The following SLIT3 variants were observed in gnomAD, a reference collection of about 807,000 sequenced individuals.
SLIT3 encodes slit homolog 3 protein.
In SLIT3, 68 loss-of-function variants were observed where a neutral mutation model predicts 184.0. The ratio of observed to expected loss-of-function variants is 0.37; its 90% CI spans 0.30 to 0.45. SLIT3 has a LOEUF of 0.45. Among genes scored for constraint, SLIT3 ranks in the 20% least tolerant of loss-of-function variants. The probability of loss-of-function intolerance (pLI) is 1.00; values close to 1 mark genes in which losing one functional copy is unlikely to be tolerated. For synonymous variants in SLIT3, 831 were observed against 828.6 expected (o/e 1.00, Z -0.05); for missense variants, 1,707 against 2,026.0 (o/e 0.84, Z 3.02).
At chr5:168,672,648 A>G (rs1291230886) in intron 33 of SLIT3, among the ~76,000 whole-genome samples, 1 of 151,980 alleles carries the variant, frequency 6.6e-6, no homozygotes, top group Non-Finnish European at 1.5e-5. Flanking sequence ...GCTAATTTAA[A>G]TATTTTGTAG....
chr5:168,767,171 C>T (rs6860854), intron 14 of SLIT3, among the ~76,000 whole-genome samples: 90,440 of 151,954 alleles, frequency 0.6, 27,219 homozygotes, highest in East Asian at 0.7. Context: ...TGTTAAAAAA[C>T]TACTAAGCAA....
chr5:169,226,847 T>C (rs1172435187), intron 3 of SLIT3, among the ~76,000 whole-genome samples: 1 of 152,136 alleles, frequency 6.6e-6, no homozygotes, highest in African/African-American at 2.4e-5. Flanking sequence ...CTAGATTCAC[T>C]TCTACGTTTT....
intron 4 of SLIT3, among the ~76,000 whole-genome samples, chr5:169,186,920 G>C (rs1763363147): frequency 6.6e-6 from 1 of 152,054 alleles, no homozygotes; most frequent in African/African-American, 2.4e-5. Context: ...TGGCCACATT[G>C]CATATAGTTG....
At chr5:168,760,197 T>C (rs1196921709) in intron 16 of SLIT3, among the ~76,000 whole-genome samples, 4 of 152,192 alleles carry the variant, frequency 2.6e-5, no homozygotes, top group Non-Finnish European at 4.4e-5. Context: ...GCAGGGAGCA[T>C]GGTCCTTAGC....
chr5:168,943,219 C>G (rs141204593), intron 4 of SLIT3, among the ~76,000 whole-genome samples: 1,776 of 152,170 alleles, frequency 0.012, 32 homozygotes, highest in African/African-American at 0.041. Context: ...AGTGAATACA[C>G]CAGAAGAAGG....
intron 4 of SLIT3, among the ~76,000 whole-genome samples, chr5:169,047,185 T>C (rs977512278): frequency 5.3e-5 from 8 of 152,238 alleles, no homozygotes; most frequent in African/African-American, 1.9e-4. Flanking sequence ...CACTGACTCC[T>C]CCCTGGTTAA....
chr5:168,693,819 GC>G (rs1344058543), intron 28 of SLIT3, among the ~76,000 whole-genome samples: 3 of 152,134 alleles, frequency 2.0e-5, no homozygotes, highest in Admixed American at 1.3e-4. Context: ...CTGGGAGGGA[GC>G]ACTGAACCCC....
intron 4 of SLIT3, among the ~76,000 whole-genome samples, chr5:168,944,621 T>C (rs1762418699): frequency 6.6e-6 from 1 of 152,030 alleles, no homozygotes; most frequent in East Asian, 1.9e-4. Context: ...GCCCAAAAAA[T>C]GACCTGAAAG....
At chr5:169,003,385 G>A (rs1292170906) in intron 4 of SLIT3, among the ~76,000 whole-genome samples, 2 of 152,184 alleles carry the variant, frequency 1.3e-5, no homozygotes, top group Admixed American at 6.5e-5. Context: ...CCCTCTGTGG[G>A]AGTCTGACCC....
intron 4 of SLIT3, among the ~76,000 whole-genome samples, chr5:169,139,969 G>A (rs1253358081): frequency 2.0e-5 from 3 of 152,204 alleles, no homozygotes; most frequent in Admixed American, 6.5e-5. Flanking sequence ...TGCCTCAGTA[G>A]GGAGGGGCGG....
chr5:168,795,396 C>A, intron 10 of SLIT3, 111 bp downstream of exon 10: 2 of 811,428 alleles, frequency 2.5e-6, no homozygotes, highest in South Asian at 1.4e-5. Context: ...AACAGAACTG[C>A]CCAGGAGGAA....
intron 5 of SLIT3, among the ~76,000 whole-genome samples, chr5:168,845,697 A>G (rs1758436538): frequency 6.6e-6 from 1 of 152,184 alleles, no homozygotes; most frequent in African/African-American, 2.4e-5. Context: ...CCCCAACTAT[A>G]ATAGCATATA....
intron 26 of SLIT3, among the ~76,000 whole-genome samples, chr5:168,704,367 A>G (rs1481266983): frequency 6.6e-6 from 1 of 152,212 alleles, no homozygotes; most frequent in East Asian, 1.9e-4. Flanking sequence ...GTACACACAC[A>G]GCCCCTTTTC....
At chr5:169,129,626 G>T (rs1415713947) in intron 4 of SLIT3, among the ~76,000 whole-genome samples, 1 of 152,066 alleles carries the variant, frequency 6.6e-6, no homozygotes, top group Admixed American at 6.6e-5. Flanking sequence ...TAAGGTCAAG[G>T]TCATGAAAAC....
At chr5:168,912,448 C>A (rs1272349842) in intron 4 of SLIT3, among the ~76,000 whole-genome samples, 1 of 152,080 alleles carries the variant, frequency 6.6e-6, no homozygotes, top group Non-Finnish European at 1.5e-5. Context: ...GTTTTTTCAC[C>A]TTCTCCCAAC....
chr5:168,923,074 G>GAC (rs1204997880), intron 4 of SLIT3, among the ~76,000 whole-genome samples: 1 of 152,190 alleles, frequency 6.6e-6, no homozygotes, highest in African/African-American at 2.4e-5. Flanking sequence ...GAGGGGACTT[G>GAC]TAGGAAATAA....
intron 11 of SLIT3, among the ~76,000 whole-genome samples, chr5:168,789,018 G>C (rs1756260746): frequency 1.3e-5 from 2 of 151,996 alleles, no homozygotes; most frequent in African/African-American, 4.8e-5. Context: ...ACCCCTGGTG[G>C]GTGAAGCTTT....
intron 4 of SLIT3, among the ~76,000 whole-genome samples, chr5:169,085,592 A>G (rs1759260600): frequency 6.6e-6 from 1 of 152,162 alleles, no homozygotes; most frequent in Non-Finnish European, 1.5e-5. Flanking sequence ...CCTTGATGAA[A>G]ATTAATGAAA....
chr5:168,678,751 G>A (rs1211387525), intron 32 of SLIT3, among the ~76,000 whole-genome samples: 1 of 151,984 alleles, frequency 6.6e-6, no homozygotes, highest in Non-Finnish European at 1.5e-5. Flanking sequence ...ATGGGAAAAT[G>A]GCTCTACTGT....
Sources: gnomAD v4.1 joint callset for allele counts (sites outside exome capture counted in the v4.1 genomes callset) on GRCh38, gnomAD v4.1.1 for gene constraint, MANE v1.5 for transcripts, NCBI Gene and HGNC (gene_info 2026-07-23, HGNC 2026-07-21) for gene names.